CAB39: variants seen among roughly 807,000 people sequenced by gnomAD.
CAB39 encodes the protein calcium binding protein 39.
A neutral mutation model predicts 40.0 loss-of-function variants in CAB39; 8 were observed. The observed-to-expected ratio is 0.20, with a 90% confidence interval of 0.12 to 0.36. The LOEUF is 0.36. CAB39 is among the 10% of genes least tolerant of loss of function. The pLI, the probability that CAB39 is intolerant of heterozygous loss-of-function variation, is 1.00. For missense variants in CAB39, 270 were observed against 401.1 expected (o/e 0.67, Z 2.79); for synonymous variants, 156 against 141.6 (o/e 1.10, Z -0.72).
rs555210190 is a variant in CAB39, at chr2:230,797,939, A to G, written c.399-790A>G. Among the ~76,000 whole-genome samples, 5 of 152,342 alleles carry G rather than the reference A, an allele frequency of 3.3e-5. No individual in the cohort carries two copies. In the South Asian group the frequency reaches 1.0e-3, roughly 32 times the overall value. On this transcript the variant is annotated intron_variant, in intron 4 of 8. Coordinates refer to ENST00000258418, the MANE Select transcript of CAB39 (RefSeq NM_016289.4). ...TGTGAGGTGGAAAGAAAGCCAGTGC[A>G]TGCAGCTTGAGAGGAAGTAGAAGAG...
chr2:230,729,645 CAGGAGG>C (rs1694651605), intron 1 of CAB39, among the ~76,000 whole-genome samples: 1 of 151,552 alleles, frequency 6.6e-6, no homozygotes, highest in Non-Finnish European at 1.5e-5. Context: ...CCCAGCTACT[CAGGAGG>C]CTGAGGCAGG....
chr2:230,743,799 TAATATA>T (rs1694924972), intron 1 of CAB39, among the ~76,000 whole-genome samples: 3 of 152,110 alleles, frequency 2.0e-5, no homozygotes, highest in African/African-American at 7.2e-5. Context: ...AAACAAATAT[TAATATA>T]AAGAAAGAAA....
intron 5 of CAB39, among the ~76,000 whole-genome samples, chr2:230,808,746 A>G (rs1404087627): frequency 6.6e-6 from 1 of 152,202 alleles, no homozygotes; most frequent in Non-Finnish European, 1.5e-5. Context: ...CACATACCCT[A>G]TCCAGCAGTT....
chr2:230,813,841 T>C, intron 6 of CAB39: 1 of 457,486 alleles, frequency 2.2e-6, no homozygotes, highest in Non-Finnish European at 3.8e-6. Context: ...AAGGGATTGG[T>C]GGGATCACCT....
chr2:230,732,359 G>A (rs2124875895), intron 1 of CAB39, among the ~76,000 whole-genome samples: 1 of 152,286 alleles, frequency 6.6e-6, no homozygotes, highest in Middle Eastern at 3.4e-3. Context: ...TGGGATTACT[G>A]GCGTGAGCCA....
At chr2:230,762,802 C>G (rs2124922571) in intron 2 of CAB39, among the ~76,000 whole-genome samples, 1 of 152,296 alleles carries the variant, frequency 6.6e-6, no homozygotes, top group African/African-American at 2.4e-5. Flanking sequence ...TGAACAAGGT[C>G]TCTGCTCTTT....
At chr2:230,789,971 A>C (rs1231266395) in intron 2 of CAB39, among the ~76,000 whole-genome samples, 1 of 152,140 alleles carries the variant, frequency 6.6e-6, no homozygotes, top group Non-Finnish European at 1.5e-5. Context: ...ACGGTGGCTC[A>C]CACCTGTAAT....
rs1696473513 is a variant in CAB39 at position 230,819,748 on chromosome 2, GTCAGCCACACC to G, written c.*1046_*1056del. On this transcript the variant is annotated 3_prime_UTR_variant, in exon 9 of 9. Coordinates refer to ENST00000258418, the MANE Select transcript of CAB39 (RefSeq NM_016289.4). ...AGCTGCGATACAGCCCTGGAGCTCA[GTCAGCCACACC>G]TTCCTGCATCCTATTGGCCTTATTC... The G allele has an allele frequency of 6.6e-6, 1 of 152,262 alleles. No individual in the cohort carries two copies. Among genetic ancestry groups the G allele is most frequent in the East Asian group, 1.9e-4 (1 of 5,204 alleles). The allele number at this position is 152,262 out of a possible 1,614,324, so 9.4% of individuals were successfully genotyped here.
rs1176258434 is a variant in CAB39, at chr2:230,818,509, C to T, written c.838-7C>T. Reference sequence around the variant, plus strand: ...TCTGTGCCTCATGTGCGTTTCTCTCCACGCAGGTGTTTGTAGCCAATCCTA... The same window carrying T: ...TCTGTGCCTCATGTGCGTTTCTCTCTACGCAGGTGTTTGTAGCCAATCCTA... On this transcript the variant is annotated splice_polypyrimidine_tract_variant and splice_region_variant and intron_variant, in intron 8 of 8. Transcript: ENST00000258418. 6.2e-7 allele frequency: 1 copy of T among 1,611,884 alleles called. No individual in the cohort carries two copies. The highest frequency in any genetic ancestry group is 8.5e-7 in the Non-Finnish European group (1 of 1,178,682).
intron 1 of CAB39, among the ~76,000 whole-genome samples, chr2:230,753,275 C>T (rs985771107): frequency 1.3e-5 from 2 of 152,128 alleles, no homozygotes; most frequent in Non-Finnish European, 2.9e-5. Context: ...AATATGTTAA[C>T]AGCCCCCCAC....
intron 1 of CAB39, among the ~76,000 whole-genome samples, chr2:230,734,568 G>A (rs965656463): frequency 2.0e-5 from 3 of 152,166 alleles, no homozygotes; most frequent in Non-Finnish European, 2.9e-5. Flanking sequence ...TGACCCTTCC[G>A]AGGATTGGTG....
At chr2:230,750,123 T>C (rs1275919814) in intron 1 of CAB39, among the ~76,000 whole-genome samples, 3 of 152,268 alleles carry the variant, frequency 2.0e-5, no homozygotes, top group Non-Finnish European at 4.4e-5. Context: ...TCTACAAATA[T>C]TCTACAAATA....
chr2:230,746,278 A>T (rs546202604), intron 1 of CAB39, among the ~76,000 whole-genome samples: 25 of 152,284 alleles, frequency 1.6e-4, no homozygotes, highest in Non-Finnish European at 3.2e-4. Context: ...TTACCATGGG[A>T]GCTAGAGAAA....
intron 1 of CAB39, among the ~76,000 whole-genome samples, chr2:230,721,324 A>G (rs62193604): frequency 0.1 from 15,854 of 152,200 alleles, 1,130 homozygotes; most frequent in Middle Eastern, 0.16. Flanking sequence ...CCAGCTACTT[A>G]GAAGGCTGAG....
At chr2:230,804,369 G>A (rs1213409850) in intron 5 of CAB39, among the ~76,000 whole-genome samples, 1 of 152,184 alleles carries the variant, frequency 6.6e-6, no homozygotes, top group East Asian at 1.9e-4. Flanking sequence ...AATACCAAAA[G>A]CAATGGCAAC....
At chr2:230,814,288 G>A (rs1466901142) in intron 7 of CAB39, among the ~76,000 whole-genome samples, 174 bp downstream of exon 7, 1 of 152,152 alleles carries the variant, frequency 6.6e-6, no homozygotes, top group African/African-American at 2.4e-5. Flanking sequence ...TCCATGTGGA[G>A]CACTTTCCTG....
At chr2:230,804,528 A>T (rs1696154675) in intron 5 of CAB39, among the ~76,000 whole-genome samples, 1 of 152,194 alleles carries the variant, frequency 6.6e-6, no homozygotes, top group South Asian at 2.1e-4. Flanking sequence ...GAATCTACAA[A>T]GAACTTAAAC....
chr2:230,753,445 T>A (rs993647040), intron 1 of CAB39, among the ~76,000 whole-genome samples: 41 of 152,304 alleles, frequency 2.7e-4, no homozygotes, highest in African/African-American at 9.4e-4. Context: ...CAAGGAATCC[T>A]GCTGAGGTTT....
chr2:230,733,149 C>T lies in CAB39; in HGVS notation c.-44+19919C>T, dbSNP rs138946661. Among the ~76,000 whole-genome samples, 355 of 152,210 alleles carry T rather than the reference C, an allele frequency of 2.3e-3. 1 individual carries two copies. The highest frequency in any genetic ancestry group is 8.1e-3 in the African/African-American group (336 of 41,548). On this transcript the variant is annotated intron_variant, in intron 1 of 8. Transcript: ENST00000258418. The stretch of plus-strand genomic sequence containing the variant: ...AATAGTCACAGATTAGTAGGGGTGG[C>T]CAAGTGTCCTGACTTCCCAGACAGC...
Sources: gnomAD v4.1 joint callset for allele counts (sites outside exome capture counted in the v4.1 genomes callset) on GRCh38, gnomAD v4.1.1 for gene constraint, MANE v1.5 for transcripts, NCBI Gene and HGNC (gene_info 2026-07-23, HGNC 2026-07-21) for gene names.